Variants in VWC2L observed in about 807,000 individuals in gnomAD.
VWC2L encodes von Willebrand factor C domain-containing protein 2-like.
VWC2L carries 10 observed loss-of-function variants against 21.6 expected under a neutral mutation model. The ratio of observed to expected loss-of-function variants is 0.46; its 90% CI spans 0.29 to 0.78. The LOEUF is 0.78. Among genes scored for constraint, VWC2L ranks in the 30% least tolerant of loss-of-function variants. The probability of loss-of-function intolerance (pLI) is 0.10; values close to 1 mark genes in which losing one functional copy is unlikely to be tolerated. For missense variants in VWC2L, 209 were observed against 277.1 expected (o/e 0.75, Z 1.74); for synonymous variants, 96 against 94.3 (o/e 1.02, Z -0.10).
intron 3 of VWC2L, among the ~76,000 whole-genome samples, chr2:214,481,021 T>G (rs1229221737): frequency 6.6e-6 from 1 of 152,046 alleles, no homozygotes; most frequent in Non-Finnish European, 1.5e-5. Context: ...CTGAGCTAAG[T>G]GGGAAGAAGA....
intron 3 of VWC2L, among the ~76,000 whole-genome samples, chr2:214,563,376 T>C (rs1231447477): frequency 1.3e-5 from 2 of 151,504 alleles, no homozygotes; most frequent in Admixed American, 1.3e-4. Flanking sequence ...TGAAACCCCA[T>C]CTCTACTAAA....
Position 214,561,809 on chromosome 2 carries a change from T to TATATATATATATATATATATATATAC in VWC2L, c.521-13862_521-13861insTATATATATATATATATATATATACA, listed in dbSNP as rs1489588765. Among the ~76,000 whole-genome samples the TATATATATATATATATATATATATAC allele has an allele frequency of 3.4e-3, 431 of 126,458 alleles. 8 individuals are homozygous for TATATATATATATATATATATATATAC. Among genetic ancestry groups the TATATATATATATATATATATATATAC allele is most frequent in the African/African-American group, 4.6e-3 (130 of 28,102 alleles). The allele number at this position is 126,458 out of a possible 152,430, so 83.0% of individuals were successfully genotyped here. A position where few individuals can be genotyped will look rare whatever the true frequency, so the allele number is the denominator to read the frequency against. ...TTATATATATATATATATATATATA[T>TATATATATATATATATATATATATAC]ACACACACATATATAATTTTATATA... On this transcript the variant is annotated intron_variant, in intron 3 of 3. Coordinates refer to ENST00000312504, the MANE Select transcript of VWC2L (RefSeq NM_001080500.4).
chr2:214,562,879 G>C (rs1036383565), intron 3 of VWC2L, among the ~76,000 whole-genome samples: 1 of 152,154 alleles, frequency 6.6e-6, no homozygotes, highest in Admixed American at 6.5e-5. Context: ...CCAATGAGTA[G>C]ATTGCAAAAA....
intron 3 of VWC2L, among the ~76,000 whole-genome samples, chr2:214,464,839 A>G (rs1574579329): frequency 6.6e-6 from 1 of 151,936 alleles, no homozygotes; most frequent in Non-Finnish European, 1.5e-5. Context: ...CTGAGCTGGC[A>G]CCCAAGCCAC....
intron 3 of VWC2L, among the ~76,000 whole-genome samples, chr2:214,532,206 A>G (rs1008140435): frequency 4.6e-5 from 7 of 152,150 alleles, no homozygotes; most frequent in Non-Finnish European, 1.0e-4. Context: ...ATACATATTA[A>G]TAGTAGGGAA....
chr2:214,552,610 G>A (rs1468942025), intron 3 of VWC2L, among the ~76,000 whole-genome samples: 2 of 152,108 alleles, frequency 1.3e-5, no homozygotes, highest in Non-Finnish European at 2.9e-5. Flanking sequence ...TCCTATTTCT[G>A]TAATCATTAA....
At chr2:214,507,717 A>T (rs1350962122) in intron 3 of VWC2L, among the ~76,000 whole-genome samples, 1 of 151,268 alleles carries the variant, frequency 6.6e-6, no homozygotes, top group African/African-American at 2.4e-5. Context: ...CATCATCTAT[A>T]TTAGTGAGTT....
intron 3 of VWC2L, among the ~76,000 whole-genome samples, chr2:214,519,663 CA>C (rs1324548161): frequency 6.6e-6 from 1 of 152,180 alleles, no homozygotes; most frequent in African/African-American, 2.4e-5. Context: ...TCTCCAATTA[CA>C]AAAGCCTTTC....
At chr2:214,432,777 T>A (rs1195820332) in intron 2 of VWC2L, among the ~76,000 whole-genome samples, 3 of 152,140 alleles carry the variant, frequency 2.0e-5, no homozygotes. Context: ...GTCCTAGCAC[T>A]TTGGGAGGCC....
At chr2:214,541,178 C>A (rs193283577) in intron 3 of VWC2L, among the ~76,000 whole-genome samples, 4 of 152,156 alleles carry the variant, frequency 2.6e-5, no homozygotes, top group Non-Finnish European at 4.4e-5. Flanking sequence ...GCATTATGTC[C>A]TCTATTCAGC....
At chr2:214,515,021 A>G (rs937323240) in intron 3 of VWC2L, among the ~76,000 whole-genome samples, 3 of 152,202 alleles carry the variant, frequency 2.0e-5, no homozygotes, top group African/African-American at 4.8e-5. Context: ...AAATGTTAAA[A>G]TACATCATAA....
intron 3 of VWC2L, among the ~76,000 whole-genome samples, chr2:214,517,807 A>G (rs1689168689): frequency 2.6e-5 from 4 of 152,266 alleles, no homozygotes; most frequent in Admixed American, 2.0e-4. Context: ...ACTACTTAAG[A>G]GACTGGGAGA....
At position 214,502,212 on chromosome 2, in the gene VWC2L, A is replaced by G. The variant is rs138359048; in HGVS notation, c.520+65454A>G. ...AACTTGAAATATTCGCATGTTCTCA[A>G]TAAATATCAGTGATTATTATGTAAG... On this transcript the variant is annotated intron_variant, in intron 3 of 3. Transcript: ENST00000312504. Among the ~76,000 whole-genome samples the G allele has an allele frequency of 2.4e-3, 372 of 152,294 alleles. 5 individuals carry two copies. The East Asian group carries it at 0.031, about 12-fold the overall frequency.
At chr2:214,476,588 C>G (rs1369818546) in intron 3 of VWC2L, among the ~76,000 whole-genome samples, 2 of 151,916 alleles carry the variant, frequency 1.3e-5, no homozygotes, top group Admixed American at 6.6e-5. Flanking sequence ...GCCACCCAAC[C>G]CAAAATCTGT....
chr2:214,562,684 C>T (rs1233133406), intron 3 of VWC2L, among the ~76,000 whole-genome samples: 2 of 152,198 alleles, frequency 1.3e-5, no homozygotes, highest in Admixed American at 1.3e-4. Flanking sequence ...TTCTGACTGG[C>T]ATGAGATGGT....
At chr2:214,519,603 A>G (rs1234910980) in intron 3 of VWC2L, among the ~76,000 whole-genome samples, 1 of 152,230 alleles carries the variant, frequency 6.6e-6, no homozygotes, top group Non-Finnish European at 1.5e-5. Flanking sequence ...CAACAGTGTG[A>G]TGGTTAAATT....
chr2:214,557,817 A>G (rs528345276), intron 3 of VWC2L, among the ~76,000 whole-genome samples: 1 of 152,128 alleles, frequency 6.6e-6, no homozygotes, highest in Non-Finnish European at 1.5e-5. Flanking sequence ...CTGCTGTCTC[A>G]GGTACTCTAG....
At chr2:214,560,582 G>A (rs1331316908) in intron 3 of VWC2L, among the ~76,000 whole-genome samples, 1 of 152,230 alleles carries the variant, frequency 6.6e-6, no homozygotes, top group African/African-American at 2.4e-5. Context: ...ATCGTCAGAA[G>A]TAGAAGGTTT....
chr2:214,414,049 G>T, intron 1 of VWC2L, 65 bp from the exon 2 acceptor site: 1 of 906,698 alleles, frequency 1.1e-6, no homozygotes, highest in Non-Finnish European at 1.6e-6. Context: ...TAAGAGCGTG[G>T]GCTTAAATGA....
Sources: allele counts gnomAD v4.1 joint callset (sites outside exome capture counted in the v4.1 genomes callset), GRCh38; gene constraint gnomAD v4.1.1; transcripts MANE v1.5; gene names NCBI Gene and HGNC (gene_info 2026-07-23, HGNC 2026-07-21).